Variants in NR5A2 observed in about 807,000 individuals in gnomAD.
The protein encoded by NR5A2 is CYP7A promoter-binding factor.
NR5A2 carries 26 observed loss-of-function variants against 62.7 expected under a neutral mutation model. The observed-to-expected ratio is 0.41, with a 90% confidence interval of 0.30 to 0.58. The LOEUF (loss-of-function observed/expected upper bound fraction) is 0.58. Ranked by LOEUF, NR5A2 falls within the 20% of genes least tolerant of loss-of-function variation. The probability of loss-of-function intolerance (pLI) is 0.22; values close to 1 mark genes in which losing one functional copy is unlikely to be tolerated. For missense variants in NR5A2, 541 were observed against 669.1 expected (o/e 0.81, Z 2.11); for synonymous variants, 246 against 241.7 (o/e 1.02, Z -0.16).
intron 1 of NR5A2, among the ~76,000 whole-genome samples, chr1:200,029,887 G>C (rs1020631006): frequency 3.9e-5 from 6 of 152,186 alleles, no homozygotes; most frequent in Non-Finnish European, 2.9e-5. Flanking sequence ...GGCACCGGGA[G>C]ACAATCTGTT....
chr1:200,173,939 T>C (rs1328447348), intron 7 of NR5A2, 24 bp from the exon 8 acceptor site: 1 of 209,862 alleles, frequency 4.8e-6, no homozygotes. Context: ...AATGTTGCTT[T>C]TTTTTTTTTT....
At chr1:200,106,601 A>G (rs1284598823) in intron 5 of NR5A2, among the ~76,000 whole-genome samples, 1 of 152,158 alleles carries the variant, frequency 6.6e-6, no homozygotes, top group Non-Finnish European at 1.5e-5. Context: ...TTTGCTATAT[A>G]ATGTGGAACT....
intron 7 of NR5A2, among the ~76,000 whole-genome samples, chr1:200,133,505 C>CTATA (rs138519275): frequency 0.028 from 3,724 of 134,312 alleles, 158 homozygotes; most frequent in African/African-American, 0.081. Flanking sequence ...CACTGATGGA[C>CTATA]TATATATATA....
intron 5 of NR5A2, among the ~76,000 whole-genome samples, chr1:200,074,736 C>CAAAAAAAAAAAAAA (rs199556915): frequency 2.2e-4 from 15 of 67,542 alleles, no homozygotes; most frequent in East Asian, 1.3e-3. Context: ...GAGTCCATCT[C>CAAAAAAAAAAAAAA]AAAAAAAAAA....
intron 5 of NR5A2, among the ~76,000 whole-genome samples, chr1:200,100,385 T>C (rs1207334210): frequency 6.6e-6 from 1 of 152,204 alleles, no homozygotes; most frequent in Admixed American, 6.5e-5. Context: ...CTATGTGGTG[T>C]TTTTAATAGG....
intron 5 of NR5A2, among the ~76,000 whole-genome samples, chr1:200,104,045 G>T (rs1412816559): frequency 6.6e-6 from 1 of 152,164 alleles, no homozygotes; most frequent in South Asian, 2.1e-4. Context: ...AGGAGGTTAG[G>T]GGGAGGTCCT....
intron 5 of NR5A2, among the ~76,000 whole-genome samples, chr1:200,070,594 C>T (rs897323986): frequency 2.0e-5 from 3 of 151,306 alleles, no homozygotes; most frequent in Non-Finnish European, 2.9e-5. Flanking sequence ...GCAGGATGAT[C>T]GCTTGAGCTG....
chr1:200,172,583 G>A (rs887306607), intron 7 of NR5A2, among the ~76,000 whole-genome samples: 37 of 152,184 alleles, frequency 2.4e-4, no homozygotes, highest in African/African-American at 8.7e-4. Context: ...ATTTGGGTCA[G>A]AGACTTGGGG....
At chr1:200,057,685 GC>G in intron 5 of NR5A2, 1 of 316,946 alleles carries the variant, frequency 3.2e-6, no homozygotes, top group Non-Finnish European at 6.4e-6. Context: ...TGCCATGTTG[GC>G]CAGGCTGGTC....
At chr1:200,053,563 G>GCACA (rs1356868019) in intron 5 of NR5A2, among the ~76,000 whole-genome samples, 9 of 70,314 alleles carry the variant, frequency 1.3e-4, no homozygotes, top group Admixed American at 1.5e-4. Flanking sequence ...CCCCCAGCAT[G>GCACA]CACACGCACA....
chr1:200,154,449 A>G (rs1030804250), intron 7 of NR5A2, among the ~76,000 whole-genome samples: 3 of 152,214 alleles, frequency 2.0e-5, no homozygotes, highest in Admixed American at 6.5e-5. Flanking sequence ...ACCAGCCCTG[A>G]TGAGTCACCA....
At chr1:200,044,830 GCTAT>G (rs1480960235) in intron 3 of NR5A2, among the ~76,000 whole-genome samples, 1 of 151,892 alleles carries the variant, frequency 6.6e-6, no homozygotes, top group Non-Finnish European at 1.5e-5. Context: ...CTACAATTCA[GCTAT>G]CTGTGATACA....
chr1:200,118,594 A>G (rs545834487), intron 6 of NR5A2, among the ~76,000 whole-genome samples: 1 of 152,320 alleles, frequency 6.6e-6, no homozygotes, highest in Admixed American at 6.5e-5. Flanking sequence ...GGCTTTTGCC[A>G]CCACTGTTGT....
chr1:200,040,491 G>A (rs1198188132), intron 2 of NR5A2, among the ~76,000 whole-genome samples: 1 of 152,180 alleles, frequency 6.6e-6, no homozygotes, highest in African/African-American at 2.4e-5. Flanking sequence ...CGTTTTCCCA[G>A]CTCTTGATTG....
Position 200,147,751 on chromosome 1 carries a change from C to T in NR5A2, c.1379-26212C>T, listed in dbSNP as rs980775708. On this transcript the variant is annotated intron_variant, in intron 7 of 7. Transcript: ENST00000367362. This position sits in a 1 kb window ranked among gnomAD's most constrained non-coding sequence, Gnocchi z 4.9. ...CTCTCCCACGTCCACGGTGAAGACG[C>T]GGATGCCGGCGCGAATGCCGGCACG... The T allele has an allele frequency of 7.5e-6, 4 of 535,876 alleles. No individual in the cohort carries two copies. In the African/African-American group the frequency reaches 7.8e-5, roughly 10 times the overall value. 33.2% of individuals were successfully genotyped at this position (535,876 alleles called of 1,614,324 possible). A position where few individuals can be genotyped will look rare whatever the true frequency, so the allele number is the denominator to read the frequency against.
intron 5 of NR5A2, among the ~76,000 whole-genome samples, chr1:200,087,432 T>C (rs1261722223): frequency 6.6e-6 from 1 of 152,172 alleles, no homozygotes; most frequent in Non-Finnish European, 1.5e-5. Context: ...TCTCACTCTG[T>C]CTCCCATGCT....
At chr1:200,159,066 T>G (rs1200529565) in intron 7 of NR5A2, among the ~76,000 whole-genome samples, 2 of 151,826 alleles carry the variant, frequency 1.3e-5, no homozygotes, top group East Asian at 3.9e-4. Flanking sequence ...TTTTAATTTT[T>G]AAATTTTTTG....
intron 7 of NR5A2, among the ~76,000 whole-genome samples, chr1:200,162,910 G>A (rs61826185): frequency 0.18 from 26,709 of 152,068 alleles, 2,987 homozygotes; most frequent in African/African-American, 0.32. Flanking sequence ...GATGTCCCCT[G>A]GCTATCAGGT....
chr1:200,097,308 G>A (rs1665146972), intron 5 of NR5A2, among the ~76,000 whole-genome samples: 1 of 151,688 alleles, frequency 6.6e-6, no homozygotes, highest in East Asian at 1.9e-4. Flanking sequence ...TATTCCTACT[G>A]TGTGAAATCC....
Sources: allele counts gnomAD v4.1 joint callset (sites outside exome capture counted in the v4.1 genomes callset), GRCh38; gene constraint gnomAD v4.1.1; non-coding constraint Gnocchi (gnomAD v3.1); transcripts MANE v1.5; gene names NCBI Gene and HGNC (gene_info 2026-07-23, HGNC 2026-07-21).